The following PCDHA4 variants were observed in gnomAD, a reference collection of about 807,000 sequenced individuals.
PCDHA4 encodes the protein protocadherin alpha 4.
Under a neutral mutation model 61.4 loss-of-function variants are expected in PCDHA4, and 49 were observed. The observed-to-expected ratio is 0.80, with a 90% CI of 0.63 to 1.01. The LOEUF (loss-of-function observed/expected upper bound fraction) is 1.01, where lower values mean the gene tolerates loss of function less well. Among genes scored for constraint, PCDHA4 ranks in the 50% least tolerant of loss-of-function variants. The pLI is 0.00. For missense variants in PCDHA4, 1,254 were observed against 1,235.8 expected (o/e 1.01, Z -0.22); for synonymous variants, 590 against 550.3 (o/e 1.07, Z -1.01).
chr5:140,978,644 G>A (rs782602318), intron 1 of PCDHA4, among the ~76,000 whole-genome samples: 18 of 152,220 alleles, frequency 1.2e-4, no homozygotes, highest in Non-Finnish European at 1.9e-4. Context: ...AAAGCAGACT[G>A]TTCTTCCCGT....
At chr5:140,937,866 C>T (rs892440956) in intron 1 of PCDHA4, among the ~76,000 whole-genome samples, 4 of 150,734 alleles carry the variant, frequency 2.7e-5, no homozygotes, top group African/African-American at 4.9e-5. Flanking sequence ...GAGCCGAGAT[C>T]GCGCCACTGC....
At chr5:140,863,033 C>T (rs1554157551) in intron 1 of PCDHA4, 1 of 557,426 alleles carries the variant, frequency 1.8e-6, no homozygotes, top group Admixed American at 1.9e-5. Context: ...GCAACAGCTG[C>T]ATCTGTCAGC....
At chr5:140,861,440 C>T (rs575320775) in intron 1 of PCDHA4, 3 of 493,406 alleles carry the variant, frequency 6.1e-6, no homozygotes, top group South Asian at 4.7e-5. Context: ...ATTCCAAAAG[C>T]CGCAGAAACC....
chr5:140,902,171 A>T, intron 1 of PCDHA4, among the ~76,000 whole-genome samples: 1 of 144,502 alleles, frequency 6.9e-6, no homozygotes, highest in Non-Finnish European at 1.5e-5. Flanking sequence ...TCTAATTTGG[A>T]TGTCCTTTAT....
intron 1 of PCDHA4, among the ~76,000 whole-genome samples, chr5:140,845,576 A>G (rs1779934940): frequency 6.7e-6 from 1 of 149,490 alleles, no homozygotes; most frequent in Non-Finnish European, 1.5e-5. Flanking sequence ...AATTTCTGGG[A>G]TTGAAATGTG....
At chr5:140,834,402 T>G in intron 1 of PCDHA4, 1 of 1,606,068 alleles carries the variant, frequency 6.2e-7, no homozygotes, top group East Asian at 2.2e-5. Context: ...CCCGAATGGA[T>G]ACGACCCAGG....
chr5:140,841,292 A>C, intron 1 of PCDHA4: 1 of 1,561,784 alleles, frequency 6.4e-7, no homozygotes, highest in Non-Finnish European at 8.6e-7. Flanking sequence ...TATTAAGATA[A>C]TATTTTCTGA....
chr5:140,958,349 G>T lies in PCDHA4; in HGVS notation c.2386-20600G>T, dbSNP rs142186821. Among the ~76,000 whole-genome samples the T allele has an allele frequency of 7.9e-3, 1,199 of 152,218 alleles. 6 individuals carry two copies. The highest frequency in any genetic ancestry group is 0.012 in the Non-Finnish European group (790 of 67,966). On this transcript the variant is annotated intron_variant, in intron 1 of 3. Coordinates refer to ENST00000530339, the MANE Select transcript of PCDHA4 (RefSeq NM_018907.4). ...ATAAATAAATCACAGGAAGTTCACAGTCTGACTTTATCAGGAATGTTGCTA... is the reference window on the plus strand; with the variant it reads ...ATAAATAAATCACAGGAAGTTCACATTCTGACTTTATCAGGAATGTTGCTA...
At chr5:140,848,684 G>C (rs2040546580) in intron 1 of PCDHA4, 1 of 1,592,318 alleles carries the variant, frequency 6.3e-7, no homozygotes, top group African/African-American at 1.3e-5. Flanking sequence ...TGCCGCGCCT[G>C]TTCCAGTTGG....
chr5:140,984,258 CA>C (rs1563514144), intron 3 of PCDHA4, among the ~76,000 whole-genome samples: 1 of 152,262 alleles, frequency 6.6e-6, no homozygotes, highest in East Asian at 1.9e-4. Context: ...TGGTAAGCCA[CA>C]AACTAACTTT....
intron 1 of PCDHA4, chr5:140,875,666 G>A (rs781866030): frequency 1.2e-6 from 2 of 1,613,786 alleles, no homozygotes; most frequent in East Asian, 4.5e-5. Flanking sequence ...CGCCTGTTCC[G>A]GGTGGCGTCC....
At chr5:140,833,150 C>A (rs1477440208) in intron 1 of PCDHA4, among the ~76,000 whole-genome samples, 1 of 151,886 alleles carries the variant, frequency 6.6e-6, no homozygotes, top group Admixed American at 6.6e-5. Context: ...TGAAGCAATA[C>A]GAATAAAAAG....
At chr5:140,939,243 T>C (rs1414943094) in intron 1 of PCDHA4, among the ~76,000 whole-genome samples, 1 of 152,168 alleles carries the variant, frequency 6.6e-6, no homozygotes, top group Non-Finnish European at 1.5e-5. Context: ...AGGAGCAAGG[T>C]AGCTCTCTGG....
chr5:140,836,220 C>A lies in PCDHA4; in HGVS notation c.2385+26648C>A, dbSNP rs2150255697. The stretch of plus-strand genomic sequence containing the variant: ...CGCGTGGCTTTCGTATGAGTTGCAA[C>A]CGGTGGCGGCCGGTGCGAGCATCCC... On this transcript the variant is annotated intron_variant, in intron 1 of 3. Coordinates refer to ENST00000530339, the MANE Select transcript of PCDHA4 (RefSeq NM_018907.4). The A allele has an allele frequency of 4.3e-6, 7 of 1,613,810 alleles. No homozygotes were observed. The Admixed American group carries it at 1.2e-4, about 27-fold the overall frequency.
At chr5:140,899,508 T>C (rs1389762615) in intron 1 of PCDHA4, among the ~76,000 whole-genome samples, 4 of 151,990 alleles carry the variant, frequency 2.6e-5, no homozygotes, top group Admixed American at 1.3e-4. Flanking sequence ...GATTTGCATA[T>C]ATTGCATCCC....
intron 3 of PCDHA4, among the ~76,000 whole-genome samples, chr5:140,997,287 A>G (rs1011963664): frequency 2.0e-5 from 3 of 152,280 alleles, no homozygotes; most frequent in Admixed American, 1.3e-4. Context: ...TCACTTAACA[A>G]TGGGGATACA....
At chr5:140,882,768 C>CA in intron 1 of PCDHA4, 1 of 1,614,222 alleles carries the variant, frequency 6.2e-7, no homozygotes, top group Non-Finnish European at 8.5e-7. Flanking sequence ...GTAAACTCGG[C>CA]ATTGACCTAC....
chr5:140,927,495 G>C (rs111935715), intron 1 of PCDHA4: 2 of 1,614,128 alleles, frequency 1.2e-6, no homozygotes, highest in African/African-American at 1.3e-5. Context: ...CCCACCTGCT[G>C]GTGCTTACAG....
At chr5:140,938,041 G>T (rs2091894997) in intron 1 of PCDHA4, among the ~76,000 whole-genome samples, 1 of 151,764 alleles carries the variant, frequency 6.6e-6, no homozygotes, top group African/African-American at 2.4e-5. Flanking sequence ...TTTATATTTT[G>T]GGTTTTCTAC....
Sources: allele counts gnomAD v4.1 joint callset (sites outside exome capture counted in the v4.1 genomes callset), GRCh38; gene constraint gnomAD v4.1.1; transcripts MANE v1.5; gene names NCBI Gene and HGNC (gene_info 2026-07-23, HGNC 2026-07-21).